Variants in EPHB2 observed in about 807,000 individuals in gnomAD.
EPHB2 encodes ephrin type-B receptor 2.
A neutral mutation model predicts 96.4 loss-of-function variants in EPHB2; 18 were observed. The ratio of observed to expected loss-of-function variants is 0.19; its 90% CI spans 0.13 to 0.28. The LOEUF (loss-of-function observed/expected upper bound fraction) is 0.28. Ranked by LOEUF, EPHB2 falls within the 10% of genes least tolerant of loss-of-function variation. The pLI is 1.00. For synonymous variants in EPHB2, 506 were observed against 534.1 expected (o/e 0.95, Z 0.72); for missense variants, 989 against 1,355.4 (o/e 0.73, Z 4.25).
At chr1:22,847,408 G>A (rs1445465359) in intron 3 of EPHB2, among the ~76,000 whole-genome samples, 5 of 152,190 alleles carry the variant, frequency 3.3e-5, no homozygotes, top group Non-Finnish European at 7.3e-5. Flanking sequence ...AATAAATGGT[G>A]GCTGCTGTTG....
intron 6 of EPHB2, chr1:22,882,805 A>G (rs1639094730): frequency 5.6e-6 from 2 of 357,246 alleles, no homozygotes; most frequent in South Asian, 4.6e-5. Context: ...TGATGTTGGG[A>G]AAAACTGGGT....
Position 22,781,425 on chromosome 1 carries a change from G to T in EPHB2, c.66G>T (p.Thr22=), listed in dbSNP as rs753901358. The T allele has an allele frequency of 1.2e-6, 2 of 1,613,862 alleles. No individual in the cohort carries two copies. Among genetic ancestry groups the T allele is most frequent in the African/African-American group, 2.7e-5 (2 of 74,966 alleles). ...LLPLLAAVEE[T]LMDSTTATAE... is the part of the protein sequence containing the mutation. Reference sequence around the variant, plus strand: ...GACTCTTTGCTCTCCCCACAGAAACGCTAATGGACTCCACTACAGCGACTG... The same window carrying T: ...GACTCTTTGCTCTCCCCACAGAAACTCTAATGGACTCCACTACAGCGACTG... The change falls in exon 2 of 16, where the codon ACG becomes ACT. Residue 22 remains threonine, a synonymous_variant. Coordinates refer to ENST00000374630, the MANE Select transcript of EPHB2 (RefSeq NM_017449.5).
intron 6 of EPHB2, among the ~76,000 whole-genome samples, chr1:22,884,249 T>G (rs1317178032): frequency 1.3e-5 from 2 of 152,190 alleles, no homozygotes; most frequent in Non-Finnish European, 2.9e-5. Context: ...CTCACGCCTG[T>G]AATCCCAGCA....
intron 1 of EPHB2, among the ~76,000 whole-genome samples, chr1:22,742,642 G>A (rs1217658653): frequency 6.6e-6 from 1 of 151,950 alleles, no homozygotes; most frequent in African/African-American, 2.4e-5. Context: ...GAGTAGCTAG[G>A]ACTAAAGGTA....
intron 6 of EPHB2, among the ~76,000 whole-genome samples, chr1:22,892,060 G>A (rs886927110): frequency 4.6e-5 from 7 of 151,602 alleles, no homozygotes; most frequent in Non-Finnish European, 8.8e-5. Flanking sequence ...GTCTCCCAGA[G>A]TTCTGGGATT....
At chr1:22,727,699 C>T (rs1006554829) in intron 1 of EPHB2, among the ~76,000 whole-genome samples, 31 of 151,602 alleles carry the variant, frequency 2.0e-4, no homozygotes, top group Non-Finnish European at 7.4e-5. Flanking sequence ...GTTGGTGTCT[C>T]CCTTTTCTAG....
chr1:22,861,511 GAAGT>G (rs1340884747), intron 3 of EPHB2, among the ~76,000 whole-genome samples: 1 of 152,134 alleles, frequency 6.6e-6, no homozygotes, highest in Non-Finnish European at 1.5e-5. Context: ...AACAACAAAA[GAAGT>G]ATTTACAGAG....
chr1:22,812,021 A>G (rs1400485363), intron 3 of EPHB2, among the ~76,000 whole-genome samples: 1 of 152,264 alleles, frequency 6.6e-6, no homozygotes, highest in Non-Finnish European at 1.5e-5. Flanking sequence ...CCTAGGCAAC[A>G]GAGCAAGAGC....
At chr1:22,887,438 G>A (rs561263817) in intron 6 of EPHB2, among the ~76,000 whole-genome samples, 21 of 152,300 alleles carry the variant, frequency 1.4e-4, no homozygotes, top group African/African-American at 4.3e-4. Context: ...CTGCAGGCCT[G>A]TGTGGCCCCC....
intron 3 of EPHB2, among the ~76,000 whole-genome samples, chr1:22,811,863 A>C (rs575357592): frequency 2.0e-5 from 3 of 151,682 alleles, no homozygotes; most frequent in African/African-American, 7.3e-5. Context: ...ACATAGTGAG[A>C]CCCCATCTCT....
At chr1:22,726,008 G>A (rs575419185) in intron 1 of EPHB2, among the ~76,000 whole-genome samples, 2 of 152,308 alleles carry the variant, frequency 1.3e-5, no homozygotes, top group African/African-American at 4.8e-5. Flanking sequence ...CTGTTCATCT[G>A]TCCGTACATC....
rs965644810 is a variant in EPHB2, at chr1:22,846,235, T to C, written c.812-16802T>C. On this transcript the variant is annotated intron_variant, in intron 3 of 15. Coordinates refer to ENST00000374630, the MANE Select transcript of EPHB2 (RefSeq NM_017449.5). This position sits in a 1 kb window ranked among gnomAD's most constrained non-coding sequence, Gnocchi z 4.3. ...GAGTTCGAGACCAGCCTGGCCAACA[T>C]GGTGAAACGCCATCTCGACTAAAAA... Among the ~76,000 whole-genome samples the C allele has an allele frequency of 1.3e-5, 2 of 151,956 alleles. No homozygotes were observed. The highest frequency in any genetic ancestry group is 6.6e-5 in the Admixed American group (1 of 15,256).
intron 5 of EPHB2, among the ~76,000 whole-genome samples, chr1:22,867,341 G>C (rs907777671): frequency 2.0e-5 from 3 of 152,190 alleles, no homozygotes; most frequent in African/African-American, 7.2e-5. Context: ...TGGGGACAGG[G>C]GTAGGGGATA....
intron 3 of EPHB2, among the ~76,000 whole-genome samples, chr1:22,792,603 G>A (rs115629841): frequency 2.1e-3 from 315 of 150,972 alleles, no homozygotes; most frequent in African/African-American, 7.0e-3. Context: ...CCATCCATCT[G>A]TCCATGATAC....
intron 1 of EPHB2, among the ~76,000 whole-genome samples, chr1:22,721,509 C>T (rs929952032): frequency 6.6e-6 from 1 of 152,120 alleles, no homozygotes; most frequent in Non-Finnish European, 1.5e-5. Flanking sequence ...CCAGTAAGAG[C>T]GCATGTCCAG....
At chr1:22,810,910 C>T (rs1170064555) in intron 3 of EPHB2, among the ~76,000 whole-genome samples, 1 of 152,188 alleles carries the variant, frequency 6.6e-6, no homozygotes, top group African/African-American at 2.4e-5. Flanking sequence ...AGTCCCCCTC[C>T]TCAGTGCCAC....
At chr1:22,898,177 A>G (rs930307379) in intron 9 of EPHB2, among the ~76,000 whole-genome samples, 1 of 152,074 alleles carries the variant, frequency 6.6e-6, no homozygotes, top group Middle Eastern at 3.2e-3. Flanking sequence ...AGAGAAATAC[A>G]TGTCATAAAT....
chr1:22,788,174 G>T (rs1644638476), intron 3 of EPHB2, among the ~76,000 whole-genome samples: 1 of 152,232 alleles, frequency 6.6e-6, no homozygotes, highest in East Asian at 1.9e-4. Context: ...GTGGGATCAT[G>T]GGGCCATGTT....
rs531423414 is a variant in EPHB2, at chr1:22,803,890, G to A, written c.811+18814G>A. ...GATTGCACCAGTGCACTCCAGCCTG[G>A]GCAACAGAGTGAGACCCTGTCTCAA... On this transcript the variant is annotated intron_variant, in intron 3 of 15. Coordinates refer to ENST00000374630, the MANE Select transcript of EPHB2 (RefSeq NM_017449.5). Among the ~76,000 whole-genome samples, 6 of 148,416 alleles carry A rather than the reference G, an allele frequency of 4.0e-5. No individual in the cohort carries two copies. In the South Asian group the frequency reaches 1.3e-3, roughly 33 times the overall value.
Sources: allele counts gnomAD v4.1 joint callset (sites outside exome capture counted in the v4.1 genomes callset), GRCh38; gene constraint gnomAD v4.1.1; non-coding constraint Gnocchi (gnomAD v3.1); transcripts MANE v1.5; gene names NCBI Gene and HGNC (gene_info 2026-07-23, HGNC 2026-07-21).